FAM184A: variants seen among roughly 807,000 people sequenced by gnomAD.
FAM184A encodes the protein family with sequence similarity 184 member A, also known as protein FAM184A.
FAM184A carries 99 observed loss-of-function variants against 143.8 expected under a neutral mutation model. That is an observed-to-expected ratio of 0.69 (90% CI 0.58 to 0.81). The LOEUF is 0.81. Among genes scored for constraint, FAM184A ranks in the 40% least tolerant of loss-of-function variants. The pLI is 0.00. For missense variants in FAM184A, 1,217 were observed against 1,310.5 expected (o/e 0.93, Z 1.10); for synonymous variants, 427 against 446.4 (o/e 0.96, Z 0.55).
intron 1 of FAM184A, among the ~76,000 whole-genome samples, chr6:119,124,523 G>A (rs1257397421): frequency 4.0e-5 from 6 of 151,882 alleles, no homozygotes; most frequent in Middle Eastern, 3.2e-3. Context: ...TTTACCTGGG[G>A]GTGTAAAAGC....
At chr6:118,972,305 A>G (rs566850081) in intron 14 of FAM184A, among the ~76,000 whole-genome samples, 5 of 152,360 alleles carry the variant, frequency 3.3e-5, no homozygotes, top group African/African-American at 1.2e-4. Context: ...TCACCGTTCA[A>G]GCATTCAAGA....
intron 9 of FAM184A, among the ~76,000 whole-genome samples, chr6:118,993,272 T>C (rs1784434861): frequency 6.6e-6 from 1 of 152,234 alleles, no homozygotes; most frequent in Non-Finnish European, 1.5e-5. Context: ...TCAGGAATTC[T>C]ATTATTGAAG....
At chr6:118,967,737 T>A (rs1363948781) in intron 14 of FAM184A, among the ~76,000 whole-genome samples, 1 of 152,174 alleles carries the variant, frequency 6.6e-6, no homozygotes, top group Non-Finnish European at 1.5e-5. Flanking sequence ...ACTTTCAATT[T>A]TAGAAAATGC....
chr6:119,142,727 A>G (rs182933340), intron 1 of FAM184A, among the ~76,000 whole-genome samples: 37 of 152,284 alleles, frequency 2.4e-4, no homozygotes, highest in Non-Finnish European at 4.1e-4. Context: ...GTTGTGGTTG[A>G]ATTGTGTCTC....
chr6:119,067,123 T>C (rs796088504), intron 1 of FAM184A, among the ~76,000 whole-genome samples: 21 of 152,386 alleles, frequency 1.4e-4, no homozygotes, highest in African/African-American at 4.8e-4. Flanking sequence ...GATTCAAGTT[T>C]AGATCTTGAA....
upstream of FAM184A, among the ~76,000 whole-genome samples, chr6:119,080,603 A>G (rs1416274411): frequency 6.6e-6 from 1 of 152,214 alleles, no homozygotes; most frequent in African/African-American, 2.4e-5. Context: ...CTTGGGACCC[A>G]AACTGTTCTG....
rs868722672 is a variant in FAM184A, at chr6:119,074,992, T to C, written c.159+3149A>G. Among the ~76,000 whole-genome samples the C allele has an allele frequency of 3.3e-5, 5 of 152,236 alleles. 1 individual carries two copies. The highest frequency in any genetic ancestry group is 1.9e-4 in the East Asian group (1 of 5,202). ...GCAGCTATGTTAGGCTCTTAGGAAA[T>C]AGGATATGAACAAATATGCATACAG... On this transcript the variant is annotated intron_variant, in intron 1 of 17. Transcript: ENST00000338891.
chr6:119,077,646 C>A (rs1787921069), intron 1 of FAM184A, among the ~76,000 whole-genome samples: 1 of 152,184 alleles, frequency 6.6e-6, no homozygotes, highest in Non-Finnish European at 1.5e-5. Flanking sequence ...TCATTAAATG[C>A]CCCAAATTGG....
chr6:118,991,459 G>A (rs374236310), intron 9 of FAM184A, among the ~76,000 whole-genome samples: 2 of 151,918 alleles, frequency 1.3e-5, no homozygotes, highest in African/African-American at 2.4e-5. Flanking sequence ...CACCGTTCCC[G>A]GCCAGAAAAG....
chr6:119,100,683 G>A (rs62421156), intron 1 of FAM184A, among the ~76,000 whole-genome samples: 37,835 of 149,722 alleles, frequency 0.25, 5,162 homozygotes, highest in Non-Finnish European at 0.29. Context: ...TAGGCTGGAT[G>A]CAGTGGCTCA....
chr6:119,087,326 T>G (rs1190892141), intron 1 of FAM184A, among the ~76,000 whole-genome samples: 1 of 152,138 alleles, frequency 6.6e-6, no homozygotes, highest in Non-Finnish European at 1.5e-5. Flanking sequence ...GAGAAAACAT[T>G]TGCAGACCAT....
At chr6:119,037,421 C>T (rs1205451063) in intron 1 of FAM184A, among the ~76,000 whole-genome samples, 1 of 152,180 alleles carries the variant, frequency 6.6e-6, no homozygotes, top group East Asian at 1.9e-4. Flanking sequence ...TTGCCACAGC[C>T]TCCTGAGTAG....
rs1166282862 is a variant in FAM184A, at chr6:119,078,192, G to A, written c.108C>T (p.Tyr36=). Residue 36 remains tyrosine, a synonymous_variant, in exon 1 of 18, where the codon TAC becomes TAT. Coordinates refer to ENST00000338891, the MANE Select transcript of FAM184A (RefSeq NM_024581.6). The surrounding 1 kb of genome is among the most constrained non-coding windows in gnomAD (Gnocchi z 5.5). The stretch of plus-strand genomic sequence containing the variant: ...TCATTTTCAGGTGCATCTCCTGGCT[G>A]TAGTCCATGCTGTGCCCAGCCAGCT... ...TAQLAGHSMD[Y]SQEMHLKMSK... is the part of the protein sequence containing the mutation. The A allele has an allele frequency of 6.3e-7, 1 of 1,586,472 alleles. No individual in the cohort carries two copies.
chr6:119,020,934 A>C (rs1785423919), intron 3 of FAM184A, among the ~76,000 whole-genome samples: 1 of 152,228 alleles, frequency 6.6e-6, no homozygotes, highest in Admixed American at 6.5e-5. Context: ...CTCTTAAATG[A>C]CAGCAAAAAG....
chr6:119,138,621 TTATTATTATTATTATTA>T (rs1772101710), intron 1 of FAM184A, among the ~76,000 whole-genome samples: 1 of 150,280 alleles, frequency 6.7e-6, no homozygotes, highest in African/African-American at 2.5e-5. Context: ...ATTATTATTA[TTATTATTATTATTATTA>T]TTTTTGAGAC....
chr6:119,071,446 ATAT>A (rs2114788873), intron 1 of FAM184A, among the ~76,000 whole-genome samples: 1 of 152,320 alleles, frequency 6.6e-6, no homozygotes, highest in Non-Finnish European at 1.5e-5. Context: ...AAACATGAAA[ATAT>A]TATGACATTT....
rs1304160985 is a variant in FAM184A at position 119,011,477 on chromosome 6, A to G, written c.1531-46T>C. ...AAAAATTAACAAAATTGCAAGTATT[A>G]TATACTTTGAAGACTCTAAGAAAAA... On this transcript the variant is annotated intron_variant, in intron 5 of 17. Coordinates refer to ENST00000338891, the MANE Select transcript of FAM184A (RefSeq NM_024581.6). 3 of 1,203,710 alleles carry G rather than the reference A, an allele frequency of 2.5e-6. No homozygotes were observed. The Admixed American group carries it at 8.1e-5, about 32-fold the overall frequency. 74.6% of individuals were successfully genotyped at this position (1,203,710 alleles called of 1,614,324 possible). A position where few individuals can be genotyped will look rare whatever the true frequency, so the allele number is the denominator to read the frequency against.
intron 1 of FAM184A, among the ~76,000 whole-genome samples, chr6:119,040,547 T>A (rs1312500364): frequency 6.6e-6 from 1 of 152,154 alleles, no homozygotes; most frequent in Non-Finnish European, 1.5e-5. Context: ...ATCTAAGGCA[T>A]TATATGGCCC....
chr6:119,108,869 T>A (rs1352233106), intron 1 of FAM184A, among the ~76,000 whole-genome samples: 1 of 152,192 alleles, frequency 6.6e-6, no homozygotes, highest in East Asian at 1.9e-4. Context: ...AAGTGACTTC[T>A]ACTCAACTTC....
Sources: allele counts gnomAD v4.1 joint callset (sites outside exome capture counted in the v4.1 genomes callset), GRCh38; gene constraint gnomAD v4.1.1; non-coding constraint Gnocchi (gnomAD v3.1); transcripts MANE v1.5; gene names NCBI Gene and HGNC (gene_info 2026-07-23, HGNC 2026-07-21).